LRP1B: variants seen among roughly 807,000 people sequenced by gnomAD.
LRP1B encodes the protein LDL receptor related protein 1B.
A neutral mutation model predicts 556.6 loss-of-function variants in LRP1B; 217 were observed. That is an observed-to-expected ratio of 0.39 (90% CI 0.35 to 0.44). LRP1B has a LOEUF of 0.44. LRP1B is among the 20% of genes least tolerant of loss of function. The probability of loss-of-function intolerance (pLI) is 1.00; values close to 1 mark genes in which losing one functional copy is unlikely to be tolerated. For synonymous variants in LRP1B, 2,047 were observed against 1,865.8 expected, an observed-to-expected ratio of 1.10 and a Z score of -2.50; for missense variants, 5,053 against 5,620.8, an observed-to-expected ratio of 0.90 and a Z score of 3.23.
intron 31 of LRP1B, among the ~76,000 whole-genome samples, chr2:140,821,767 G>C (rs1047153426): frequency 1.1e-4 from 16 of 152,186 alleles, no homozygotes; most frequent in Admixed American, 3.3e-4. Context: ...GGGCGCCATG[G>C]CTCACGCCTA....
At chr2:141,792,608 A>G (rs1695652358) in intron 2 of LRP1B, among the ~76,000 whole-genome samples, 3 of 152,110 alleles carry the variant, frequency 2.0e-5, no homozygotes, top group Middle Eastern at 3.4e-3. Context: ...CAAGTTTCCT[A>G]ATGCTTCATA....
At chr2:141,662,944 C>T (rs773673148) in intron 2 of LRP1B, among the ~76,000 whole-genome samples, 1 of 146,928 alleles carries the variant, frequency 6.8e-6, no homozygotes, top group Non-Finnish European at 1.5e-5. Flanking sequence ...CACTCTTCAG[C>T]AAATGCAAAA....
intron 2 of LRP1B, among the ~76,000 whole-genome samples, chr2:141,730,965 G>A (rs1205039445): frequency 1.3e-5 from 2 of 152,048 alleles, no homozygotes; most frequent in Non-Finnish European, 2.9e-5. Context: ...TAGCCAATCC[G>A]GAATTACGAA....
chr2:141,072,117 C>T (rs1329209746), intron 7 of LRP1B, among the ~76,000 whole-genome samples: 1 of 152,080 alleles, frequency 6.6e-6, no homozygotes, highest in African/African-American at 2.4e-5. Context: ...CCTACCCCAA[C>T]CCTTCTGATC....
intron 1 of LRP1B, among the ~76,000 whole-genome samples, chr2:141,856,949 C>T (rs926892512): frequency 2.7e-4 from 40 of 150,724 alleles, no homozygotes; most frequent in Admixed American, 1.3e-3. Context: ...TGGCCTGGAT[C>T]GGAATCTCTG....
Position 140,318,699 on chromosome 2 carries a change from G to A in LRP1B, c.12640+3264C>T, listed in dbSNP as rs918304674. 8.5e-5 allele frequency among the ~76,000 whole-genome samples: 13 copies of A among 152,176 alleles called. No homozygotes were observed. The East Asian group carries it at 2.5e-3, about 30-fold the overall frequency. On this transcript the variant is annotated intron_variant, in intron 82 of 90. Transcript: ENST00000389484. ...CTGGGTGACACAGAGATACTGGGATGTATTGTGTGACGATTAACAGAGTGG... is the reference window on the plus strand; with the variant it reads ...CTGGGTGACACAGAGATACTGGGATATATTGTGTGACGATTAACAGAGTGG...
intron 22 of LRP1B, among the ~76,000 whole-genome samples, chr2:140,905,721 C>T (rs1197189531): frequency 2.6e-5 from 4 of 152,078 alleles, no homozygotes; most frequent in African/African-American, 9.7e-5. Flanking sequence ...CACACCCCGA[C>T]CTTCAAAGTT....
At chr2:140,445,144 C>T (rs945023732) in intron 63 of LRP1B, among the ~76,000 whole-genome samples, 2 of 151,856 alleles carry the variant, frequency 1.3e-5, no homozygotes, top group African/African-American at 4.8e-5. Flanking sequence ...GAGACAGAGT[C>T]TTGCTCTGTC....
intron 41 of LRP1B, among the ~76,000 whole-genome samples, chr2:140,609,839 T>C (rs1051694523): frequency 2.0e-5 from 3 of 152,162 alleles, no homozygotes; most frequent in African/African-American, 7.2e-5. Flanking sequence ...TCATTCTCCA[T>C]CCAGCAACTC....
chr2:140,572,344 A>G (rs1027618943), intron 43 of LRP1B, among the ~76,000 whole-genome samples: 4 of 151,780 alleles, frequency 2.6e-5, no homozygotes, highest in Non-Finnish European at 5.9e-5. Flanking sequence ...CTGAATAGAC[A>G]TCTCTCAAAA....
At chr2:140,536,097 T>C (rs1208474649) in intron 46 of LRP1B, among the ~76,000 whole-genome samples, 3 of 151,892 alleles carry the variant, frequency 2.0e-5, no homozygotes, top group Non-Finnish European at 4.4e-5. Flanking sequence ...CTAAAACCTA[T>C]TGCTAAAGAT....
chr2:141,728,714 G>T (rs1693146402), intron 2 of LRP1B, among the ~76,000 whole-genome samples: 1 of 152,118 alleles, frequency 6.6e-6, no homozygotes, highest in Admixed American at 6.6e-5. Context: ...TTCCTGGTCA[G>T]CACACTAAAT....
At chr2:140,930,696 A>G (rs943313154) in intron 20 of LRP1B, among the ~76,000 whole-genome samples, 4 of 152,052 alleles carry the variant, frequency 2.6e-5, no homozygotes, top group African/African-American at 9.7e-5. Context: ...CTTGTCATTC[A>G]TTGTAAAGTG....
At chr2:141,513,578 TA>T (rs1684204051) in intron 2 of LRP1B, among the ~76,000 whole-genome samples, 1 of 152,154 alleles carries the variant, frequency 6.6e-6, no homozygotes, top group South Asian at 2.1e-4. Flanking sequence ...CATTGAGTTT[TA>T]TTTAATATCT....
rs1170506845 is a variant in LRP1B, at chr2:140,252,087, A to AAAAC, written c.13248-4926_13248-4925insGTTT. Among the ~76,000 whole-genome samples the AAAAC allele has an allele frequency of 8.1e-4, 90 of 111,680 alleles. 4 individuals carry two copies. In the East Asian group the frequency reaches 0.013, roughly 16 times the overall value. The allele number at this position is 111,680 out of a possible 152,430, so 73.3% of individuals were successfully genotyped here. On this transcript the variant is annotated intron_variant, in intron 86 of 90. Transcript: ENST00000389484. ...CAAAAAAAAAAAAAAAAAAAAAAAA[A>AAAAC]AACCCAAAAAACAAAAAAAAACAGA...
intron 21 of LRP1B, among the ~76,000 whole-genome samples, chr2:140,912,971 T>G (rs906173211): frequency 4.0e-5 from 6 of 151,748 alleles, no homozygotes; most frequent in Non-Finnish European, 8.9e-5. Context: ...AGATAACAAA[T>G]GTTGTAATGG....
chr2:141,929,936 A>T (rs974283408), intron 1 of LRP1B, among the ~76,000 whole-genome samples: 4 of 137,316 alleles, frequency 2.9e-5, no homozygotes, highest in Admixed American at 7.5e-5. Flanking sequence ...AAAAAAAAAA[A>T]AAGACAGTTA....
chr2:140,400,657 A>G (rs886727983), intron 66 of LRP1B, among the ~76,000 whole-genome samples: 1 of 152,188 alleles, frequency 6.6e-6, no homozygotes, highest in African/African-American at 2.4e-5. Context: ...AGGAGAGAAT[A>G]ACGTGTAGAG....
At chr2:141,489,700 C>A (rs1031193478) in intron 2 of LRP1B, among the ~76,000 whole-genome samples, 6 of 152,010 alleles carry the variant, frequency 3.9e-5, no homozygotes, top group African/African-American at 1.4e-4. Flanking sequence ...TACGTCTGAG[C>A]TACTTCACCT....
Sources: gnomAD v4.1 joint callset for allele counts (sites outside exome capture counted in the v4.1 genomes callset) on GRCh38, gnomAD v4.1.1 for gene constraint, MANE v1.5 for transcripts, NCBI Gene and HGNC (gene_info 2026-07-23, HGNC 2026-07-21) for gene names.